PAPSS2: variants seen among roughly 807,000 people sequenced by gnomAD.
PAPSS2 encodes 3'-phosphoadenosine 5'-phosphosulfate synthase 2.
Under a neutral mutation model 66.5 loss-of-function variants are expected in PAPSS2, and 61 were observed. That is an observed-to-expected ratio of 0.92 (90% CI 0.75 to 1.14). PAPSS2 has a LOEUF of 1.14. PAPSS2 is among the 50% of genes most tolerant of loss of function. The pLI, the probability that PAPSS2 is intolerant of heterozygous loss-of-function variation, is 0.00. For missense variants in PAPSS2, 708 were observed against 789.6 expected (o/e 0.90, Z 1.24); for synonymous variants, 289 against 287.5 (o/e 1.01, Z -0.05).
intron 1 of PAPSS2, among the ~76,000 whole-genome samples, chr10:87,708,659 A>G (rs958290501): frequency 6.6e-6 from 1 of 152,216 alleles, no homozygotes; most frequent in Non-Finnish European, 1.5e-5. Flanking sequence ...TATTACATAA[A>G]ATCAAAAATT....
intron 1 of PAPSS2, among the ~76,000 whole-genome samples, chr10:87,697,340 A>T (rs1171010706): frequency 3.9e-5 from 6 of 152,178 alleles, no homozygotes; most frequent in Non-Finnish European, 8.8e-5. Context: ...AGGGGCAACG[A>T]GGGGTCGGGG....
chr10:87,699,812 TAAAAAA>T (rs11378998), intron 1 of PAPSS2, among the ~76,000 whole-genome samples: 1 of 135,698 alleles, frequency 7.4e-6, no homozygotes. Flanking sequence ...ATCATGCCAC[TAAAAAA>T]AAAAAAAAAA....
chr10:87,736,890 C>A (rs1361030888), intron 9 of PAPSS2, among the ~76,000 whole-genome samples: 1 of 152,168 alleles, frequency 6.6e-6, no homozygotes, highest in Non-Finnish European at 1.5e-5. Context: ...TGTGGGTCCT[C>A]TGGATTGATT....
In PAPSS2 at chr10:87,740,799, T is replaced by C. The variant is rs111850405; in HGVS notation, c.1087-436T>C. 1.9e-3 allele frequency among the ~76,000 whole-genome samples: 286 copies of C among 152,326 alleles called. 2 individuals are homozygous for C. The highest frequency in any genetic ancestry group is 5.6e-3 in the African/African-American group (234 of 41,578). On this transcript the variant is annotated intron_variant, in intron 9 of 12. Transcript: ENST00000456849. ...GTAGACATAGATATGAGAATCCAGCTGTCTTCTATTAAGTCAGATATTAAA... is the reference window on the plus strand; with the variant it reads ...GTAGACATAGATATGAGAATCCAGCCGTCTTCTATTAAGTCAGATATTAAA...
At chr10:87,703,808 T>C (rs770141178) in intron 1 of PAPSS2, 3 of 518,496 alleles carry the variant, frequency 5.8e-6, no homozygotes, top group African/African-American at 1.9e-5. Context: ...AGTATAGAAG[T>C]ATGCCACTAA....
In PAPSS2 at chr10:87,727,352, G is replaced by A. The variant is rs777759625; in HGVS notation, c.949G>A (p.Gly317Arg). The change falls in exon 9 of 13, where the codon GGG becomes AGG. Residue 317 changes from glycine (G) to arginine (R), a missense_variant. Coordinates refer to ENST00000456849, the MANE Select transcript of PAPSS2 (RefSeq NM_001015880.2). Reference protein sequence around the residue: ...VSAEDKTRLEGCSKFVLAHGG... With the variant: ...VSAEDKTRLERCSKFVLAHGG... The stretch of plus-strand genomic sequence containing the variant: ...TGCAGAGGATAAGACACGGCTGGAA[G>A]GGTGCAGCAAGTTTGTCCTGGCACA... The A allele has an allele frequency of 3.1e-6, 5 of 1,613,946 alleles. No individual in the cohort carries two copies. In the African/African-American group the frequency reaches 4.0e-5, roughly 13 times the overall value.
At chr10:87,727,946 G>C (rs1458704168) in intron 9 of PAPSS2, among the ~76,000 whole-genome samples, 1 of 152,096 alleles carries the variant, frequency 6.6e-6, no homozygotes, top group Admixed American at 6.5e-5. Flanking sequence ...GCTAGTGAGG[G>C]GGTCAATGAT....
At chr10:87,695,903 CA>C (rs1307122846) in intron 1 of PAPSS2, among the ~76,000 whole-genome samples, 2 of 152,162 alleles carry the variant, frequency 1.3e-5, no homozygotes, top group African/African-American at 4.8e-5. Flanking sequence ...TTAAAAATAT[CA>C]GTCTCACAGG....
intron 9 of PAPSS2, among the ~76,000 whole-genome samples, chr10:87,732,436 T>G (rs1253673474): frequency 1.3e-5 from 2 of 151,790 alleles, no homozygotes; most frequent in African/African-American, 4.8e-5. Flanking sequence ...GGTGGGAGGA[T>G]CACCTGAGCC....
At chr10:87,724,234 T>C (rs1429450681) in intron 8 of PAPSS2, among the ~76,000 whole-genome samples, 1 of 151,856 alleles carries the variant, frequency 6.6e-6, no homozygotes, top group Non-Finnish European at 1.5e-5. Context: ...AACTATCTTA[T>C]TTAGAAACAT....
At chr10:87,690,234 C>T (rs888758832) in intron 1 of PAPSS2, among the ~76,000 whole-genome samples, 11 of 152,046 alleles carry the variant, frequency 7.2e-5, no homozygotes, top group South Asian at 2.1e-4. Context: ...ATTCATACAC[C>T]GGAACATTAT....
At chr10:87,707,246 T>C (rs1853402380) in intron 1 of PAPSS2, among the ~76,000 whole-genome samples, 1 of 152,222 alleles carries the variant, frequency 6.6e-6, no homozygotes, top group Non-Finnish European at 1.5e-5. Context: ...AATTCTGATA[T>C]TCATCCCTAA....
At chr10:87,666,701 G>C (rs1393660433) in intron 1 of PAPSS2, among the ~76,000 whole-genome samples, 1 of 151,872 alleles carries the variant, frequency 6.6e-6, no homozygotes, top group Non-Finnish European at 1.5e-5. Context: ...TGCTCTCCTG[G>C]GTACCCTGAG....
At chr10:87,673,589 T>C (rs1852907039) in intron 1 of PAPSS2, among the ~76,000 whole-genome samples, 1 of 151,820 alleles carries the variant, frequency 6.6e-6, no homozygotes, top group South Asian at 2.1e-4. Flanking sequence ...TGTGTGTGTG[T>C]GTGTGTGTGT....
At chr10:87,662,382 A>T (rs1852763133) in intron 1 of PAPSS2, among the ~76,000 whole-genome samples, 2 of 152,302 alleles carry the variant, frequency 1.3e-5, no homozygotes, top group South Asian at 4.1e-4. Context: ...AGAGTGTAGG[A>T]TGACTTTTTC....
rs1853953566 is a variant in PAPSS2, at chr10:87,747,292, CAAGGAATA to C, written c.*1326_*1333del. On this transcript the variant is annotated 3_prime_UTR_variant, in exon 13 of 13. Coordinates refer to ENST00000456849, the MANE Select transcript of PAPSS2 (RefSeq NM_001015880.2). The stretch of plus-strand genomic sequence containing the variant: ...TACTTTATGCATAATTCATTGTTGC[CAAGGAATA>C]AAGTGAAGAAACAGCACCTTTTAAT... 6.6e-6 allele frequency: 1 copy of C among 151,898 alleles called. No individual in the cohort carries two copies. Among genetic ancestry groups the C allele is most frequent in the African/African-American group, 2.4e-5 (1 of 41,326 alleles). The allele number at this position is 151,898 out of a possible 1,614,324, so 9.4% of individuals were successfully genotyped here.
At chr10:87,739,578 G>A (rs1448449554) in intron 9 of PAPSS2, among the ~76,000 whole-genome samples, 1 of 152,204 alleles carries the variant, frequency 6.6e-6, no homozygotes, top group Admixed American at 6.5e-5. Flanking sequence ...GAATGTACTA[G>A]CAGCAGTTCT....
At chr10:87,738,866 T>C (rs1057096219) in intron 9 of PAPSS2, among the ~76,000 whole-genome samples, 1 of 152,248 alleles carries the variant, frequency 6.6e-6, no homozygotes, top group African/African-American at 2.4e-5. Flanking sequence ...TGCCTATTTC[T>C]TAATTGGGTT....
At chr10:87,666,351 A>G (rs537511113) in intron 1 of PAPSS2, among the ~76,000 whole-genome samples, 1 of 152,276 alleles carries the variant, frequency 6.6e-6, no homozygotes, top group South Asian at 2.1e-4. Flanking sequence ...CCTACCCATC[A>G]CTGCTGGAAA....
Sources: gnomAD v4.1 joint callset for allele counts (sites outside exome capture counted in the v4.1 genomes callset) on GRCh38, gnomAD v4.1.1 for gene constraint, MANE v1.5 for transcripts, NCBI Gene and HGNC (gene_info 2026-07-23, HGNC 2026-07-21) for gene names.